The following GALNT12 variants were observed in gnomAD, a reference collection of about 807,000 sequenced individuals.
The protein encoded by GALNT12 is UDP-GalNAc:polypeptide N-acetylgalactosaminyltransferase 12.
Under a neutral mutation model 55.5 loss-of-function variants are expected in GALNT12, and 45 were observed. The observed-to-expected ratio is 0.81, with a 90% CI of 0.64 to 1.04. GALNT12 has a LOEUF of 1.04. Ranked by LOEUF, GALNT12 falls within the 50% of genes least tolerant of loss-of-function variation. The probability of loss-of-function intolerance (pLI) is 0.00; values close to 1 mark genes in which losing one functional copy is unlikely to be tolerated. For missense variants in GALNT12, 709 were observed against 754.8 expected (o/e 0.94, Z 0.71); for synonymous variants, 304 against 312.2 (o/e 0.97, Z 0.28).
intron 5 of GALNT12, among the ~76,000 whole-genome samples, chr9:98,836,583 C>G (rs755370714): frequency 3.3e-5 from 5 of 152,166 alleles, no homozygotes; most frequent in Non-Finnish European, 4.4e-5. Flanking sequence ...CTTCCTTTCC[C>G]CCTTCCAAAC....
At position 98,826,803 on chromosome 9, in the gene GALNT12, G is replaced by C; in HGVS notation, c.593G>C (p.Arg198Pro). The change falls in exon 3 of 10, where the codon CGC (arginine) becomes CCC (proline). Residue 198 changes from arginine to proline, a missense_variant. By Grantham distance (103) the Arg-to-Pro change is moderately radical. Transcript: ENST00000375011. ...ANELSGLPKV[R>P]LIRANKREGL... ...GAGCTTTCGGGACTGCCCAAGGTGC[G>C]CCTGATCCGCGCCAACAAGAGAGAG... 1 of 1,611,946 alleles carries C rather than the reference G, an allele frequency of 6.2e-7. No individual in the cohort carries two copies. The highest frequency in any genetic ancestry group is 8.5e-7 in the Non-Finnish European group (1 of 1,179,762).
At chr9:98,835,558 G>A (rs1339935131) in intron 5 of GALNT12, among the ~76,000 whole-genome samples, 192 bp downstream of exon 5, 15 of 152,130 alleles carry the variant, frequency 9.9e-5, no homozygotes, top group Admixed American at 9.2e-4. Context: ...AGGGCCTTGC[G>A]AGTCACATAG....
At chr9:98,833,858 C>T (rs1428833887) in intron 4 of GALNT12, among the ~76,000 whole-genome samples, 1 of 152,100 alleles carries the variant, frequency 6.6e-6, no homozygotes, top group Non-Finnish European at 1.5e-5. Context: ...CCCACATGCT[C>T]AGGGCACCTA....
chr9:98,828,726 A>T (rs1213956508), intron 3 of GALNT12, among the ~76,000 whole-genome samples: 2 of 152,230 alleles, frequency 1.3e-5, no homozygotes, highest in Non-Finnish European at 2.9e-5. Context: ...GGTACATGAG[A>T]TATTTTGATA....
At chr9:98,826,648 T>A in intron 2 of GALNT12, 104 bp from the exon 3 acceptor site, 2 of 1,129,872 alleles carry the variant, frequency 1.8e-6, no homozygotes, top group Non-Finnish European at 2.6e-6. Flanking sequence ...CCTGTCTATT[T>A]CATCTTCTGT....
At chr9:98,814,536 C>T (rs1393649258) in intron 1 of GALNT12, among the ~76,000 whole-genome samples, 1 of 151,904 alleles carries the variant, frequency 6.6e-6, no homozygotes, top group African/African-American at 2.4e-5. Flanking sequence ...ATGGCGAAAC[C>T]ACGTCTTTAC....
intron 4 of GALNT12, among the ~76,000 whole-genome samples, chr9:98,832,386 G>C (rs1836020674): frequency 6.6e-6 from 1 of 152,166 alleles, no homozygotes; most frequent in African/African-American, 2.4e-5. Flanking sequence ...GAGCATGCTA[G>C]TGTGTATCTG....
At chr9:98,833,688 C>T (rs1055458523) in intron 4 of GALNT12, among the ~76,000 whole-genome samples, 21 of 152,260 alleles carry the variant, frequency 1.4e-4, no homozygotes, top group African/African-American at 4.3e-4. Flanking sequence ...TTAAGAATGG[C>T]ACCCAGGCTT....
At chr9:98,843,487 A>G (rs1393647728) in intron 7 of GALNT12, among the ~76,000 whole-genome samples, 2 of 151,720 alleles carry the variant, frequency 1.3e-5, no homozygotes, top group Non-Finnish European at 2.9e-5. Flanking sequence ...GCTCACTGCA[A>G]CCTCCGTCTT....
At chr9:98,846,147 C>A (rs1362617262) in intron 9 of GALNT12, 24 bp downstream of exon 9, 1 of 1,613,788 alleles carries the variant, frequency 6.2e-7, no homozygotes, top group Non-Finnish European at 8.5e-7. Context: ...CTCCTTCCTT[C>A]CTGCTGACAG....
rs142096902 is a variant in GALNT12, at chr9:98,846,101, A to G, written c.1583A>G (p.Asn528Ser). The G allele has an allele frequency of 2.2e-5, 36 of 1,614,084 alleles. No homozygotes were observed. The African/African-American group carries it at 3.7e-4, about 17-fold the overall frequency. ...MHLCEETAPE[N>S]QKFILQEDGS... is the part of the protein sequence containing the mutation. ...CTCTGCGAAGAAACTGCCCCAGAGAATCAGAAGTTCATCTTGCAGGAGGTA... is the reference window on the plus strand; with the variant it reads ...CTCTGCGAAGAAACTGCCCCAGAGAGTCAGAAGTTCATCTTGCAGGAGGTA... Residue 528 changes from asparagine (N) to serine (S), a missense_variant, in exon 9 of 10, where the codon AAT (asparagine) becomes AGT (serine). Asn to Ser is a conservative substitution (Grantham distance 46, BLOSUM62 1). Around this residue, in one of 5 missense-constraint regions of GALNT12, gnomAD observed 262 missense variants for 310.7 expected, o/e 0.84. Coordinates refer to ENST00000375011, the MANE Select transcript of GALNT12 (RefSeq NM_024642.5).
intron 1 of GALNT12, among the ~76,000 whole-genome samples, chr9:98,818,942 G>C (rs1307053043): frequency 6.6e-6 from 1 of 152,152 alleles, no homozygotes; most frequent in Non-Finnish European, 1.5e-5. Flanking sequence ...GCATAATTGG[G>C]TGGGGCTGGA....
chr9:98,826,780 G>C lies in GALNT12; in HGVS notation c.570G>C (p.Glu190Asp). Residue 190 changes from glutamate (E) to aspartate (D), a missense_variant, in exon 3 of 10, where the codon GAG becomes GAC. Transcript: ENST00000375011. ...ACCTGAAGGAGCGCTTGGCCAATGA[G>C]CTTTCGGGACTGCCCAAGGTGCGCC... ...REHLKERLAN[E>D]LSGLPKVRLI... 6.2e-7 allele frequency: 1 copy of C among 1,611,894 alleles called. No individual in the cohort carries two copies. The highest frequency in any genetic ancestry group is 8.5e-7 in the Non-Finnish European group (1 of 1,179,882).
intron 1 of GALNT12, among the ~76,000 whole-genome samples, chr9:98,812,666 T>C (rs1366798582): frequency 6.6e-6 from 1 of 152,220 alleles, no homozygotes; most frequent in Non-Finnish European, 1.5e-5. Flanking sequence ...TTGTGCTTAC[T>C]GATGCTTTTG....
intron 1 of GALNT12, among the ~76,000 whole-genome samples, chr9:98,821,035 T>C (rs1835723385): frequency 6.6e-6 from 1 of 151,810 alleles, no homozygotes; most frequent in African/African-American, 2.4e-5. Flanking sequence ...GCAGAGGGAG[T>C]GGTGTTGACA....
chr9:98,844,436 T>C (rs932307267), intron 8 of GALNT12: 4 of 533,370 alleles, frequency 7.5e-6, no homozygotes, highest in Non-Finnish European at 1.3e-5. Flanking sequence ...ATAATGTCTG[T>C]ATGTTTTATA....
rs749861818 is a variant in GALNT12 at position 98,835,359 on chromosome 9, C to T, written c.1028C>T (p.Ser343Phe). 1.3e-6 allele frequency: 2 copies of T among 1,570,510 alleles called. No individual in the cohort carries two copies. Among genetic ancestry groups the T allele is most frequent in the East Asian group, 2.2e-5 (1 of 44,690 alleles). The stretch of plus-strand genomic sequence containing the variant: ...TGGGGAGGAGAAAACCTCGAATTTT[C>T]CTTTAGGGTAAGTATTTCAGTCTTC... ...EVWGGENLEF[S>F]FRIWQCGGVL... The change falls in exon 5 of 10, where the codon TCC becomes TTC. Residue 343 changes from serine to phenylalanine, a missense_variant. Around this residue, in one of 5 missense-constraint regions of GALNT12, gnomAD observed 262 missense variants for 310.7 expected, o/e 0.84. Coordinates refer to ENST00000375011, the MANE Select transcript of GALNT12 (RefSeq NM_024642.5).
chr9:98,808,094 A>G lies in GALNT12; in HGVS notation c.371+25A>G, dbSNP rs372560085. On this transcript the variant is annotated intron_variant, in intron 1 of 9. Coordinates refer to ENST00000375011, the MANE Select transcript of GALNT12 (RefSeq NM_024642.5). ...TGTGAGTGCACAGCTCTGGGGAGGA[A>G]GCCCGCCCTCAGAGCCCCGGGCCTC... 139 of 1,542,768 alleles carry G rather than the reference A, an allele frequency of 9.0e-5. 1 individual carries two copies. In the African/African-American group the frequency reaches 1.8e-3, roughly 20 times the overall value.
chr9:98,838,602 C>G (rs1347909671), intron 6 of GALNT12, among the ~76,000 whole-genome samples: 1 of 152,242 alleles, frequency 6.6e-6, no homozygotes, highest in Admixed American at 6.5e-5. Flanking sequence ...GATGAGGGAT[C>G]TGCCTCTTCT....
Sources: gnomAD v4.1 joint callset for allele counts (sites outside exome capture counted in the v4.1 genomes callset) on GRCh38, gnomAD v4.1.1 for gene constraint, gnomAD v4.1.1 regional missense constraint, MANE v1.5 for transcripts, NCBI Gene and HGNC (gene_info 2026-07-23, HGNC 2026-07-21) for gene names.